CCSER1: variants seen among roughly 807,000 people sequenced by gnomAD.
The protein encoded by CCSER1 is coiled-coil serine rich protein 1.
Under a neutral mutation model 82.0 loss-of-function variants are expected in CCSER1, and 41 were observed. The observed-to-expected ratio is 0.50, with a 90% CI of 0.39 to 0.65. The LOEUF (loss-of-function observed/expected upper bound fraction) is 0.65. Among genes scored for constraint, CCSER1 ranks in the 30% least tolerant of loss-of-function variants. The pLI is 0.00. For missense variants in CCSER1, 1,119 were observed against 1,064.2 expected, an observed-to-expected ratio of 1.05 and a Z score of -0.72; for synonymous variants, 414 against 383.9, an observed-to-expected ratio of 1.08 and a Z score of -0.92.
intron 7 of CCSER1, among the ~76,000 whole-genome samples, chr4:90,774,887 A>G (rs1350369084): frequency 2.6e-5 from 4 of 152,120 alleles, no homozygotes; most frequent in Non-Finnish European, 5.9e-5. Flanking sequence ...AAGACCACTA[A>G]TAGGACCTGT....
intron 8 of CCSER1, among the ~76,000 whole-genome samples, chr4:90,855,321 A>G (rs1207065392): frequency 6.6e-6 from 1 of 152,154 alleles, no homozygotes; most frequent in East Asian, 1.9e-4. Flanking sequence ...GGATCTAGAA[A>G]ACAGAGGTAG....
chr4:91,127,669 G>T (rs1208605636), intron 10 of CCSER1, among the ~76,000 whole-genome samples: 1 of 151,896 alleles, frequency 6.6e-6, no homozygotes, highest in African/African-American at 2.4e-5. Flanking sequence ...TATTTATTTT[G>T]CAAAATTGCT....
intron 10 of CCSER1, among the ~76,000 whole-genome samples, chr4:91,523,870 T>C: frequency 6.6e-6 from 1 of 152,206 alleles, no homozygotes; most frequent in East Asian, 1.9e-4. Context: ...TGTCTCTATG[T>C]CCTTCAGTTC....
At chr4:91,046,316 A>ATTTTTCTATGTATGTATAG (rs1394209619) in intron 9 of CCSER1, among the ~76,000 whole-genome samples, 1 of 151,738 alleles carries the variant, frequency 6.6e-6, no homozygotes, top group African/African-American at 2.4e-5. Flanking sequence ...GTAACAATTA[A>ATTTTTCTATGTATGTATAG]TTTTTCTATG....
At chr4:91,538,641 T>C (rs1424535679) in intron 10 of CCSER1, among the ~76,000 whole-genome samples, 1 of 128,054 alleles carries the variant, frequency 7.8e-6, no homozygotes, top group African/African-American at 2.9e-5. Flanking sequence ...ACAATCCCTA[T>C]ACAAACATAA....
At chr4:90,718,847 C>T (rs1742155459) in intron 6 of CCSER1, among the ~76,000 whole-genome samples, 1 of 152,126 alleles carries the variant, frequency 6.6e-6, no homozygotes, top group Non-Finnish European at 1.5e-5. Flanking sequence ...AGACGAGTCC[C>T]ATAAACTCCT....
At chr4:90,272,943 C>G (rs1726831624) in intron 1 of CCSER1, among the ~76,000 whole-genome samples, 1 of 152,062 alleles carries the variant, frequency 6.6e-6, no homozygotes, top group Admixed American at 6.5e-5. Flanking sequence ...GCGGAGTTTG[C>G]AGTGAGCTGA....
At chr4:90,336,746 T>C (rs1740475884) in intron 3 of CCSER1, among the ~76,000 whole-genome samples, 1 of 152,220 alleles carries the variant, frequency 6.6e-6, no homozygotes, top group Non-Finnish European at 1.5e-5. Context: ...GTGGTGCGTG[T>C]ATACTTTGCT....
At chr4:90,868,479 C>A (rs1288779882) in intron 8 of CCSER1, among the ~76,000 whole-genome samples, 1 of 151,988 alleles carries the variant, frequency 6.6e-6, no homozygotes, top group African/African-American at 2.4e-5. Context: ...TGGCTAATTT[C>A]ATTTAACATG....
At chr4:91,404,385 C>G (rs1399433132) in intron 10 of CCSER1, among the ~76,000 whole-genome samples, 2 of 152,026 alleles carry the variant, frequency 1.3e-5, no homozygotes, top group African/African-American at 4.8e-5. Flanking sequence ...TTTTTTCTGT[C>G]TCTGTCTCCT....
At chr4:90,646,475 A>G (rs1727622697) in intron 6 of CCSER1, among the ~76,000 whole-genome samples, 1 of 152,126 alleles carries the variant, frequency 6.6e-6, no homozygotes, top group Admixed American at 6.6e-5. Flanking sequence ...AAATGCATAG[A>G]TGACATCTAT....
intron 10 of CCSER1, among the ~76,000 whole-genome samples, chr4:91,594,126 G>A (rs1162983519): frequency 6.6e-6 from 1 of 150,730 alleles, no homozygotes; most frequent in Non-Finnish European, 1.5e-5. Flanking sequence ...TGAGTTTCAG[G>A]AGGCTTAATT....
intron 3 of CCSER1, among the ~76,000 whole-genome samples, chr4:90,375,464 C>G (rs888385370): frequency 1.1e-4 from 17 of 152,076 alleles, no homozygotes; most frequent in Admixed American, 1.3e-4. Context: ...AACTTAGACC[C>G]TGACAGGTAC....
chr4:90,221,494 AT>A (rs1742149564), intron 1 of CCSER1, among the ~76,000 whole-genome samples: 1 of 152,150 alleles, frequency 6.6e-6, no homozygotes, highest in Admixed American at 6.5e-5. Context: ...AGCATATTGT[AT>A]TATAACACAC....
intron 7 of CCSER1, among the ~76,000 whole-genome samples, chr4:90,801,888 A>G (rs1462670840): frequency 6.6e-6 from 1 of 152,132 alleles, no homozygotes; most frequent in Non-Finnish European, 1.5e-5. Context: ...AATCTATGCT[A>G]TTGTTTGGTA....
At position 90,504,883 on chromosome 4, in the gene CCSER1, C is replaced by G. The variant is rs557885280; in HGVS notation, c.1724+36529C>G. ...AGGGGCAGCCAGTGGTATTAAATGC[C>G]AAAAAACCCAGAGTATCCAAATATC... On this transcript the variant is annotated intron_variant, in intron 5 of 10. Transcript: ENST00000509176. 1.4e-4 allele frequency among the ~76,000 whole-genome samples: 21 copies of G among 152,064 alleles called. 1 individual carries two copies. In the South Asian group the frequency reaches 4.4e-3, roughly 32 times the overall value.
At chr4:90,270,291 C>T (rs1254583753) in intron 1 of CCSER1, among the ~76,000 whole-genome samples, 1 of 151,960 alleles carries the variant, frequency 6.6e-6, no homozygotes, top group Non-Finnish European at 1.5e-5. Flanking sequence ...CTGAATTCAG[C>T]AACACATTAA....
At chr4:90,681,907 G>A (rs924626763) in intron 6 of CCSER1, among the ~76,000 whole-genome samples, 6 of 151,700 alleles carry the variant, frequency 4.0e-5, no homozygotes, top group African/African-American at 9.7e-5. Flanking sequence ...ATAACAAAAG[G>A]AAGAAATATC....
At chr4:90,817,523 A>G (rs1385626894) in intron 8 of CCSER1, among the ~76,000 whole-genome samples, 1 of 152,234 alleles carries the variant, frequency 6.6e-6, no homozygotes, top group African/African-American at 2.4e-5. Flanking sequence ...TTATACTTGA[A>G]TTACTCAAAT....
Sources: gnomAD v4.1 joint callset for allele counts (sites outside exome capture counted in the v4.1 genomes callset) on GRCh38, gnomAD v4.1.1 for gene constraint, MANE v1.5 for transcripts, NCBI Gene and HGNC (gene_info 2026-07-23, HGNC 2026-07-21) for gene names.